Variants in PHLDB2 observed in about 807,000 individuals in gnomAD.
The protein encoded by PHLDB2 is pleckstrin homology like domain family B member 2, also known as pleckstrin homology-like domain family B member 2.
Under a neutral mutation model 123.6 loss-of-function variants are expected in PHLDB2, and 71 were observed. The observed-to-expected ratio is 0.57, with a 90% confidence interval of 0.47 to 0.70. The LOEUF is 0.70. PHLDB2 is among the 30% of genes least tolerant of loss of function. PHLDB2 has a pLI of 0.00. For synonymous variants in PHLDB2, 547 were observed against 541.6 expected (o/e 1.01, Z -0.14); for missense variants, 1,446 against 1,519.5 (o/e 0.95, Z 0.80).
At chr3:111,827,414 G>T (rs2062710437) in intron 1 of PHLDB2, among the ~76,000 whole-genome samples, 1 of 152,178 alleles carries the variant, frequency 6.6e-6, no homozygotes, top group African/African-American at 2.4e-5. Flanking sequence ...GGTAGCTCAC[G>T]CCTGTAATCC....
intron 6 of PHLDB2, among the ~76,000 whole-genome samples, chr3:111,935,521 A>AGATAGATAGATG (rs2107583936): frequency 6.6e-6 from 1 of 151,736 alleles, no homozygotes; most frequent in South Asian, 2.1e-4. Flanking sequence ...ATAGATAGAT[A>AGATAGATAGATG]GATAGATAGA....
At chr3:111,815,230 A>G (rs1444005633) in intron 1 of PHLDB2, among the ~76,000 whole-genome samples, 2 of 152,150 alleles carry the variant, frequency 1.3e-5, no homozygotes, top group African/African-American at 4.8e-5. Context: ...CAGCATGAAA[A>G]TGGACTAATA....
At chr3:111,755,785 A>G in intron 1 of PHLDB2, among the ~76,000 whole-genome samples, 2 of 145,382 alleles carry the variant, frequency 1.4e-5, no homozygotes, top group Admixed American at 6.8e-5. Flanking sequence ...TCTTGTGGGC[A>G]TTTAGTGCTA....
intron 2 of PHLDB2, among the ~76,000 whole-genome samples, chr3:111,887,427 G>A (rs111834042): frequency 1.2e-4 from 18 of 152,270 alleles, no homozygotes; most frequent in African/African-American, 4.3e-4. Flanking sequence ...AGGGATGACG[G>A]ATTCTTATCA....
At chr3:111,941,625 G>A (rs1459616253) in intron 8 of PHLDB2, among the ~76,000 whole-genome samples, 1 of 152,080 alleles carries the variant, frequency 6.6e-6, no homozygotes, top group Non-Finnish European at 1.5e-5. Flanking sequence ...TGGCCAACAT[G>A]GAAAAACTCT....
chr3:111,839,940 C>CATT (rs2063600835), intron 1 of PHLDB2, among the ~76,000 whole-genome samples: 1 of 64,938 alleles, frequency 1.5e-5, no homozygotes, highest in Non-Finnish European at 2.6e-5. Flanking sequence ...CCCACCCCCG[C>CATT]TTTTTTTTTT....
chr3:111,868,052 A>T (rs4682318), intron 1 of PHLDB2, among the ~76,000 whole-genome samples: 109,668 of 151,584 alleles, frequency 0.72, 41,109 homozygotes, highest in Non-Finnish European at 0.82. Context: ...CAGACTGGAG[A>T]GCAGTGGCAT....
intron 10 of PHLDB2, 121 bp downstream of exon 10, chr3:111,949,196 AG>A: frequency 8.6e-7 from 1 of 1,163,438 alleles, no homozygotes; most frequent in South Asian, 1.5e-5. Context: ...GTTTGGCCAG[AG>A]GGGTAGGGTA....
At chr3:111,793,292 G>A (rs1298265003) in intron 1 of PHLDB2, among the ~76,000 whole-genome samples, 2 of 152,088 alleles carry the variant, frequency 1.3e-5, no homozygotes, top group Non-Finnish European at 2.9e-5. Context: ...TCAAGCAGGG[G>A]AGACTCTTCC....
intron 1 of PHLDB2, among the ~76,000 whole-genome samples, chr3:111,828,528 C>T (rs1422124500): frequency 2.0e-5 from 3 of 152,154 alleles, no homozygotes; most frequent in Admixed American, 6.5e-5. Flanking sequence ...CAGTGGTTCA[C>T]GCCTGTAATC....
At chr3:111,898,448 G>T (rs947399827) in intron 2 of PHLDB2, among the ~76,000 whole-genome samples, 20 of 152,194 alleles carry the variant, frequency 1.3e-4, no homozygotes, top group African/African-American at 4.8e-4. Context: ...CTTCCAAAGT[G>T]CTGGGATTAC....
Position 111,913,653 on chromosome 3 carries a change from C to G in PHLDB2, c.1670C>G (p.Thr557Ser), listed in dbSNP as rs749267105. Reference protein sequence around the residue: ...LTRTPPPPSSTFPKASSESSY... With the variant: ...LTRTPPPPSSSFPKASSESSY... The stretch of plus-strand genomic sequence containing the variant: ...CGGACTCCTCCACCACCATCCTCCA[C>G]CTTTCCGAAAGCTTCCAGCGAGTCC... Residue 557 changes from threonine to serine, a missense_variant, in exon 3 of 18, where the codon ACC (threonine) becomes AGC (serine). Physicochemically the swap from Thr to Ser is moderately conservative, Grantham distance 58 (BLOSUM62 1). Around this residue, in one of 3 missense-constraint regions of PHLDB2, gnomAD observed 832 missense variants for 831.9 expected, o/e 1.00. Transcript: ENST00000431670. The G allele has an allele frequency of 6.2e-7, 1 of 1,613,816 alleles. No individual in the cohort carries two copies. Among genetic ancestry groups the G allele is most frequent in the Admixed American group, 1.7e-5 (1 of 60,016 alleles).
In PHLDB2 at chr3:111,884,117, C is replaced by A; in HGVS notation, c.40C>A (p.Gln14Lys). Residue 14 changes from glutamine to lysine, a missense_variant, in exon 2 of 18, where the codon CAA (glutamine) becomes AAA (lysine). By Grantham distance (53) the Gln-to-Lys change is moderately conservative. Coordinates refer to ENST00000431670, the MANE Select transcript of PHLDB2 (RefSeq NM_001134438.2). ...CTACATACAAAAGGAGCTAGATTTACAAAATGGTAGCTTAGAGGAAGACTC... is the reference window on the plus strand; with the variant it reads ...CTACATACAAAAGGAGCTAGATTTAAAAAATGGTAGCTTAGAGGAAGACTC... ...HSYIQKELDL[Q>K]NGSLEEDSVV... The A allele has an allele frequency of 1.2e-6, 2 of 1,613,902 alleles. No individual in the cohort carries two copies. Among genetic ancestry groups the A allele is most frequent in the African/African-American group, 2.7e-5 (2 of 75,020 alleles).
chr3:111,952,810 A>G, intron 11 of PHLDB2, 98 bp downstream of exon 11: 1 of 1,355,308 alleles, frequency 7.4e-7, no homozygotes, highest in Admixed American at 2.3e-5. Context: ...GTGCTAAATA[A>G]TAAATCATTA....
chr3:111,941,954 T>C (rs768990656), intron 8 of PHLDB2, among the ~76,000 whole-genome samples: 52 of 152,310 alleles, frequency 3.4e-4, no homozygotes, highest in Non-Finnish European at 7.1e-4. Context: ...CACCTCGAAG[T>C]CTCTGAATGG....
intron 1 of PHLDB2, among the ~76,000 whole-genome samples, chr3:111,737,471 C>T (rs573730583): frequency 1.3e-5 from 2 of 152,126 alleles, no homozygotes; most frequent in East Asian, 3.9e-4. Flanking sequence ...AAAACTTGTT[C>T]CCCTCCTCTC....
intron 1 of PHLDB2, among the ~76,000 whole-genome samples, chr3:111,734,915 G>A (rs1941635574): frequency 6.6e-6 from 1 of 152,180 alleles, no homozygotes. Context: ...TAACAAAAAG[G>A]CCAGTAGTGG....
At chr3:111,821,923 C>A (rs777845089) in intron 1 of PHLDB2, among the ~76,000 whole-genome samples, 26 of 152,296 alleles carry the variant, frequency 1.7e-4, no homozygotes, top group Non-Finnish European at 3.5e-4. Flanking sequence ...GTCTAATGGT[C>A]TGAAACTTCA....
chr3:111,769,121 G>C (rs2060131439), intron 1 of PHLDB2, among the ~76,000 whole-genome samples: 1 of 152,198 alleles, frequency 6.6e-6, no homozygotes, highest in South Asian at 2.1e-4. Context: ...TATCAACTGA[G>C]AGCAGCACTC....
Sources: gnomAD v4.1 joint callset for allele counts (sites outside exome capture counted in the v4.1 genomes callset) on GRCh38, gnomAD v4.1.1 for gene constraint, gnomAD v4.1.1 regional missense constraint, MANE v1.5 for transcripts, NCBI Gene and HGNC (gene_info 2026-07-23, HGNC 2026-07-21) for gene names.